Variants in DPYD observed in about 807,000 individuals in gnomAD.
DPYD encodes the protein dihydropyrimidine dehydrogenase.
Under a neutral mutation model 116.2 loss-of-function variants are expected in DPYD, and 109 were observed. The observed-to-expected ratio is 0.94, with a 90% CI of 0.80 to 1.10. The LOEUF (loss-of-function observed/expected upper bound fraction) is 1.10. Among genes scored for constraint, DPYD ranks in the 50% least tolerant of loss-of-function variants. The pLI, the probability that DPYD is intolerant of heterozygous loss-of-function variation, is 0.00. For missense variants in DPYD, 1,302 were observed against 1,254.5 expected, an observed-to-expected ratio of 1.04 and a Z score of -0.57; for synonymous variants, 440 against 432.0, an observed-to-expected ratio of 1.02 and a Z score of -0.23.
chr1:97,083,474 T>C (rs1287056282), intron 21 of DPYD, among the ~76,000 whole-genome samples: 1 of 152,124 alleles, frequency 6.6e-6, no homozygotes, highest in African/African-American at 2.4e-5. Flanking sequence ...TATCATGGAA[T>C]TTCAAACTGA....
chr1:97,412,842 T>C (rs1398532221), intron 14 of DPYD, among the ~76,000 whole-genome samples: 1 of 152,130 alleles, frequency 6.6e-6, no homozygotes, highest in African/African-American at 2.4e-5. Flanking sequence ...TACAACCAAC[T>C]CCACTTGGTC....
chr1:97,692,291 C>A (rs890007103), intron 6 of DPYD, among the ~76,000 whole-genome samples: 1 of 151,832 alleles, frequency 6.6e-6, no homozygotes, highest in Non-Finnish European at 1.5e-5. Flanking sequence ...TATTACCATA[C>A]TGTTTAGAAT....
chr1:97,516,015 A>C lies in DPYD; in HGVS notation c.1525-74T>G, dbSNP rs949129826. 9.6e-5 allele frequency: 132 copies of C among 1,369,372 alleles called. 1 individual carries two copies. Among genetic ancestry groups the C allele is most frequent in the Non-Finnish European group, 1.4e-5 (14 of 974,248 alleles). The allele number at this position is 1,369,372 out of a possible 1,614,324, so 84.8% of individuals were successfully genotyped here. ...CATATAATATTTTACCAAAAAAATC[A>C]CTTCAACACAGCATCCGAATTAATA... On this transcript the variant is annotated intron_variant, in intron 12 of 22. Coordinates refer to ENST00000370192, the MANE Select transcript of DPYD (RefSeq NM_000110.4).
intron 10 of DPYD, among the ~76,000 whole-genome samples, chr1:97,580,450 T>C (rs946541821): frequency 7.2e-5 from 11 of 152,210 alleles, no homozygotes; most frequent in African/African-American, 1.7e-4. Context: ...GCTCTATGCA[T>C]AAATCTAACC....
intron 13 of DPYD, among the ~76,000 whole-genome samples, chr1:97,501,122 C>A (rs572831004): frequency 1.3e-5 from 2 of 151,910 alleles, no homozygotes; most frequent in African/African-American, 2.4e-5. Flanking sequence ...TAGTTCTGGA[C>A]GGAGAAGTGG....
chr1:97,167,856 TTAA>T (rs1656439049), intron 20 of DPYD, among the ~76,000 whole-genome samples: 4 of 152,164 alleles, frequency 2.6e-5, no homozygotes, highest in Non-Finnish European at 5.9e-5. Context: ...AGCCTGCATT[TTAA>T]AGTAGTTATT....
chr1:97,697,494 G>C (rs1351520635), intron 6 of DPYD, among the ~76,000 whole-genome samples: 1 of 152,050 alleles, frequency 6.6e-6, no homozygotes, highest in Non-Finnish European at 1.5e-5. Flanking sequence ...CTAAATTCCA[G>C]CATCAGTTTT....
At chr1:97,711,772 T>C (rs572994594) in intron 5 of DPYD, among the ~76,000 whole-genome samples, 102 of 152,122 alleles carry the variant, frequency 6.7e-4, no homozygotes, top group African/African-American at 2.5e-3. Context: ...ATTTTTATCT[T>C]CCAAAACACG....
At chr1:97,369,783 A>G (rs1671223754) in intron 16 of DPYD, among the ~76,000 whole-genome samples, 1 of 152,186 alleles carries the variant, frequency 6.6e-6, no homozygotes, top group Admixed American at 6.5e-5. Context: ...TAAAAGACCA[A>G]GGGTTCTATT....
chr1:97,478,750 A>G (rs889437291), intron 13 of DPYD, among the ~76,000 whole-genome samples: 12 of 152,338 alleles, frequency 7.9e-5, no homozygotes, highest in Non-Finnish European at 1.5e-4. Flanking sequence ...CCTAGATGGC[A>G]TCTTCTTCCA....
intron 13 of DPYD, among the ~76,000 whole-genome samples, chr1:97,485,766 G>A (rs1678597992): frequency 6.6e-6 from 1 of 152,068 alleles, no homozygotes; most frequent in Non-Finnish European, 1.5e-5. Context: ...GCAACTACAA[G>A]GCTGCCCCCA....
intron 3 of DPYD, among the ~76,000 whole-genome samples, chr1:97,822,948 T>C (rs565707549): frequency 3.3e-5 from 5 of 152,334 alleles, no homozygotes; most frequent in South Asian, 2.1e-4. Context: ...ATATAGTACA[T>C]TGATGTCTTT....
intron 2 of DPYD, among the ~76,000 whole-genome samples, chr1:97,848,520 T>G (rs531009710): frequency 6.6e-6 from 1 of 152,358 alleles, no homozygotes; most frequent in East Asian, 1.9e-4. Context: ...TTCAGGAAGT[T>G]GGACTGTGAA....
chr1:97,884,379 G>C (rs1672381324), intron 1 of DPYD, among the ~76,000 whole-genome samples: 1 of 152,036 alleles, frequency 6.6e-6, no homozygotes, highest in South Asian at 2.1e-4. Flanking sequence ...AAAGTTAGAT[G>C]CAACAGCTGA....
chr1:97,854,690 A>G (rs1208482781), intron 2 of DPYD, among the ~76,000 whole-genome samples: 1 of 152,202 alleles, frequency 6.6e-6, no homozygotes, highest in East Asian at 1.9e-4. Flanking sequence ...GAAAGCTGGT[A>G]TTAGTGAAGT....
chr1:97,187,188 C>T (rs1183003233), intron 20 of DPYD, among the ~76,000 whole-genome samples: 2 of 152,112 alleles, frequency 1.3e-5, no homozygotes, highest in Non-Finnish European at 2.9e-5. Context: ...TTTACATTCC[C>T]ACCAAAAATG....
intron 16 of DPYD, among the ~76,000 whole-genome samples, chr1:97,342,692 C>A (rs1367665638): frequency 2.6e-5 from 4 of 152,138 alleles, no homozygotes; most frequent in African/African-American, 9.7e-5. Context: ...GAAAGTTTAG[C>A]ACTGATGAAT....
chr1:97,487,589 C>A (rs935397363), intron 13 of DPYD, among the ~76,000 whole-genome samples: 1 of 152,106 alleles, frequency 6.6e-6, no homozygotes, highest in Non-Finnish European at 1.5e-5. Flanking sequence ...AGGAGAATGG[C>A]GTGAACCTGG....
chr1:97,890,697 G>C (rs1050129880), intron 1 of DPYD, among the ~76,000 whole-genome samples: 2 of 151,856 alleles, frequency 1.3e-5, no homozygotes, highest in African/African-American at 4.8e-5. Context: ...GAAATAAAAA[G>C]ACACATTTTT....
Sources: gnomAD v4.1 joint callset for allele counts (sites outside exome capture counted in the v4.1 genomes callset) on GRCh38, gnomAD v4.1.1 for gene constraint, MANE v1.5 for transcripts, NCBI Gene and HGNC (gene_info 2026-07-23, HGNC 2026-07-21) for gene names.